Variants in ITGA4 observed in about 807,000 individuals in gnomAD.
ITGA4 encodes integrin alpha-4.
In ITGA4, 63 loss-of-function variants were observed where a neutral mutation model predicts 133.6. The observed-to-expected ratio is 0.47, with a 90% CI of 0.38 to 0.58. The LOEUF (loss-of-function observed/expected upper bound fraction) is 0.58, where lower values mean the gene tolerates loss of function less well. Ranked by LOEUF, ITGA4 falls within the 20% of genes least tolerant of loss-of-function variation. The probability of loss-of-function intolerance (pLI) is 0.00; values close to 1 mark genes in which losing one functional copy is unlikely to be tolerated. For synonymous variants in ITGA4, 483 were observed against 438.0 expected, an observed-to-expected ratio of 1.10 and a Z score of -1.28; for missense variants, 1,076 against 1,252.7, an observed-to-expected ratio of 0.86 and a Z score of 2.13.
chr2:181,511,570 T>C (rs778537120), intron 16 of ITGA4, 129 bp from the exon 17 acceptor site: 1 of 563,360 alleles, frequency 1.8e-6, no homozygotes, highest in Non-Finnish European at 3.2e-6. Context: ...AGAGATAAAA[T>C]AAAGAGTTGT....
chr2:181,527,452 C>A, intron 22 of ITGA4, 65 bp downstream of exon 22: 1 of 1,094,176 alleles, frequency 9.1e-7, no homozygotes, highest in Non-Finnish European at 1.4e-6. Flanking sequence ...TGCATTGCTC[C>A]AAGGGACATT....
intron 17 of ITGA4, among the ~76,000 whole-genome samples, chr2:181,521,261 C>T (rs6721763): frequency 0.6 from 91,585 of 152,060 alleles, 27,944 homozygotes; most frequent in South Asian, 0.84. Context: ...TTCCTTAGCA[C>T]ATAGCTGTTC....
chr2:181,464,744 C>T (rs995530969), intron 2 of ITGA4, among the ~76,000 whole-genome samples: 2 of 152,034 alleles, frequency 1.3e-5, no homozygotes, highest in Admixed American at 6.6e-5. Context: ...GCCTTGGGTT[C>T]CAAAGACTCA....
rs1559065816 is a variant in ITGA4 at position 181,538,189 on chromosome 2, T to TTGGAATCATTTCTTCCA, written c.*2665_*2681dup. 3 of 1,567,866 alleles carry TTGGAATCATTTCTTCCA rather than the reference T, an allele frequency of 1.9e-6. No individual in the cohort carries two copies. The highest frequency in any genetic ancestry group is 1.8e-6 in the Non-Finnish European group (2 of 1,139,542). On this transcript the variant is annotated 3_prime_UTR_variant, in exon 28 of 28. Transcript: ENST00000397033. ...CTTTTAGAAACAATTACATGTTACT[T>TTGGAATCATTTCTTCCA]TGGAATCATTTCTTCCATGCTTCCT... is the stretch of plus-strand genomic sequence containing the variant.
intron 17 of ITGA4, among the ~76,000 whole-genome samples, chr2:181,521,943 G>C (rs1224203717): frequency 6.6e-6 from 1 of 152,202 alleles, no homozygotes; most frequent in East Asian, 1.9e-4. Context: ...GAAAAGATAC[G>C]AGTTTAATTA....
chr2:181,470,826 G>T (rs1045115231), intron 2 of ITGA4, among the ~76,000 whole-genome samples: 1 of 152,126 alleles, frequency 6.6e-6, no homozygotes, highest in African/African-American at 2.4e-5. Context: ...AGTGAGCTAT[G>T]ATCACGCCAA....
chr2:181,476,531 T>C (rs930461749), intron 4 of ITGA4, among the ~76,000 whole-genome samples: 1 of 152,210 alleles, frequency 6.6e-6, no homozygotes, highest in Non-Finnish European at 1.5e-5. Context: ...TATATCATTT[T>C]TTGGAAGAAG....
intron 6 of ITGA4, 47 bp downstream of exon 6, chr2:181,480,313 C>T (rs749514757): frequency 1.0e-6 from 1 of 1,001,460 alleles, no homozygotes; most frequent in South Asian, 2.6e-5. Context: ...CTTACAAATA[C>T]TAGTACTGTA....
chr2:181,461,785 G>C (rs1277021239), intron 2 of ITGA4, among the ~76,000 whole-genome samples: 23 of 152,254 alleles, frequency 1.5e-4, no homozygotes, highest in African/African-American at 5.3e-4. Flanking sequence ...ATAGTCTAAA[G>C]TTATACAATT....
intron 2 of ITGA4, among the ~76,000 whole-genome samples, chr2:181,462,346 C>T (rs186457760): frequency 1.2e-4 from 18 of 152,238 alleles, no homozygotes; most frequent in East Asian, 5.8e-4. Flanking sequence ...TTACCTTAGC[C>T]AGCCTCCTGG....
chr2:181,524,106 A>G lies in ITGA4; in HGVS notation c.2170-65A>G, dbSNP rs1348912365. 8 of 1,068,548 alleles carry G rather than the reference A, an allele frequency of 7.5e-6. 1 individual carries two copies. Among genetic ancestry groups the G allele is most frequent in the Middle Eastern group, 4.0e-4 (2 of 4,998 alleles). 66.2% of individuals were successfully genotyped at this position (1,068,548 alleles called of 1,614,324 possible). A position where few individuals can be genotyped will look rare whatever the true frequency, so the allele number is the denominator to read the frequency against. ...TAGAACATAAACTTTTAAGAAAAAA[A>G]TTCAGATTATAAAAAATGTACTTAA... On this transcript the variant is annotated intron_variant, in intron 19 of 27. Transcript: ENST00000397033.
rs1282401810 is a variant in ITGA4 at position 181,536,425 on chromosome 2, A to ATAAC, written c.*900_*903dup. Among the ~76,000 whole-genome samples, 1 of 152,056 alleles carries ATAAC rather than the reference A, an allele frequency of 6.6e-6. No individual in the cohort carries two copies. The highest frequency in any genetic ancestry group is 2.4e-5 in the African/African-American group (1 of 41,438). Reference sequence around the variant, plus strand: ...AAAATACAGAAACCATACCTCACTAATAACTTTAAAATCAAAGCTGTGCAA... The same window carrying ATAAC: ...AAAATACAGAAACCATACCTCACTAATAACTAACTTTAAAATCAAAGCTGTGCAA... On this transcript the variant is annotated 3_prime_UTR_variant, in exon 28 of 28. Transcript: ENST00000397033.
chr2:181,485,696 T>C (rs1189976600), intron 9 of ITGA4, among the ~76,000 whole-genome samples, 185 bp from the exon 10 acceptor site: 1 of 152,200 alleles, frequency 6.6e-6, no homozygotes, highest in Non-Finnish European at 1.5e-5. Flanking sequence ...ATCATACTAT[T>C]ATGTGTTGAC....
Position 181,538,844 on chromosome 2 carries a change from A to AAATT in ITGA4, c.*3319_*3322dup, listed in dbSNP as rs751931262. Among the ~76,000 whole-genome samples the AAATT allele has an allele frequency of 2.0e-5, 3 of 152,194 alleles. No individual in the cohort carries two copies. Among genetic ancestry groups the AAATT allele is most frequent in the Non-Finnish European group, 4.4e-5 (3 of 68,020 alleles). ...TTATCTGTAGTTTATGCACAACAAT[A>AAATT]AATTAGAAAGCCAATGTAGACACGC... On this transcript the variant is annotated 3_prime_UTR_variant, in exon 28 of 28. Transcript: ENST00000397033.
Position 181,527,391 on chromosome 2 carries a change from A to T in ITGA4, c.2430+4A>T. ...GAAAATGAACTTAACTTTCCATGTA[A>T]GAAAAGTTAATTGTGTTAATATTTG... On this transcript the variant is annotated splice_donor_region_variant and intron_variant, in intron 22 of 27. Coordinates refer to ENST00000397033, the MANE Select transcript of ITGA4 (RefSeq NM_000885.6). The T allele has an allele frequency of 6.3e-7, 1 of 1,575,852 alleles. No homozygotes were observed. The highest frequency in any genetic ancestry group is 8.7e-7 in the Non-Finnish European group (1 of 1,145,676).
intron 15 of ITGA4, among the ~76,000 whole-genome samples, chr2:181,503,000 G>C (rs369297354): frequency 6.6e-6 from 1 of 152,046 alleles, no homozygotes; most frequent in Non-Finnish European, 1.5e-5. Context: ...ACACCAAGAC[G>C]GTGAGGGACC....
At chr2:181,481,844 TAGA>T (rs1018114141) in intron 7 of ITGA4, among the ~76,000 whole-genome samples, 161 bp downstream of exon 7, 2 of 152,200 alleles carry the variant, frequency 1.3e-5, no homozygotes, top group Non-Finnish European at 2.9e-5. Flanking sequence ...GTTATGGTTT[TAGA>T]AGAAATTTAG....
intron 23 of ITGA4, among the ~76,000 whole-genome samples, chr2:181,529,979 A>T (rs1263106453): frequency 6.6e-6 from 1 of 152,194 alleles, no homozygotes; most frequent in Non-Finnish European, 1.5e-5. Flanking sequence ...AATTCTTCAT[A>T]AAACTTGAAA....
intron 7 of ITGA4, among the ~76,000 whole-genome samples, chr2:181,482,055 G>A (rs1390018931): frequency 1.3e-5 from 2 of 152,106 alleles, no homozygotes; most frequent in Non-Finnish European, 2.9e-5. Context: ...TTGCTGTGTC[G>A]CTATGTGAAC....
Sources: allele counts gnomAD v4.1 joint callset (sites outside exome capture counted in the v4.1 genomes callset), GRCh38; gene constraint gnomAD v4.1.1; transcripts MANE v1.5; gene names NCBI Gene and HGNC (gene_info 2026-07-23, HGNC 2026-07-21).